Variants in OTUD7A observed in about 807,000 individuals in gnomAD.
The protein encoded by OTUD7A is OTU domain-containing protein 7A.
In OTUD7A, 12 loss-of-function variants were observed where a neutral mutation model predicts 65.7. The ratio of observed to expected loss-of-function variants is 0.18; its 90% confidence interval spans 0.12 to 0.30. OTUD7A has a LOEUF of 0.30. Among genes scored for constraint, OTUD7A ranks in the 10% least tolerant of loss-of-function variants. The pLI, the probability that OTUD7A is intolerant of heterozygous loss-of-function variation, is 1.00. For missense variants in OTUD7A, 1,148 were observed against 1,304.8 expected, an observed-to-expected ratio of 0.88 and a Z score of 1.85; for synonymous variants, 641 against 586.3, an observed-to-expected ratio of 1.09 and a Z score of -1.35.
At chr15:31,835,741 T>C (rs988762870) in intron 1 of OTUD7A, among the ~76,000 whole-genome samples, 1 of 152,088 alleles carries the variant, frequency 6.6e-6, no homozygotes, top group African/African-American at 2.4e-5. Flanking sequence ...TACACACATA[T>C]ATATACATAC....
intron 1 of OTUD7A, among the ~76,000 whole-genome samples, chr15:31,778,740 T>TCA (rs750221714): frequency 1.8e-3 from 267 of 150,526 alleles, no homozygotes; most frequent in African/African-American, 4.1e-3. Flanking sequence ...TCTCTCTCTC[T>TCA]CACACACACA....
At chr15:31,831,300 C>T (rs1428563982) in intron 1 of OTUD7A, among the ~76,000 whole-genome samples, 5 of 152,114 alleles carry the variant, frequency 3.3e-5, no homozygotes, top group African/African-American at 1.2e-4. Context: ...AATCAGACTT[C>T]GTAAAAATTT....
chr15:31,500,977 C>A (rs567783436), intron 10 of OTUD7A, among the ~76,000 whole-genome samples: 1 of 152,376 alleles, frequency 6.6e-6, no homozygotes, highest in South Asian at 2.1e-4. Context: ...CAAACAAAAT[C>A]CCCCTATTTC....
chr15:31,646,618 G>A (rs56046340), intron 3 of OTUD7A, among the ~76,000 whole-genome samples: 4,575 of 151,790 alleles, frequency 0.03, 98 homozygotes, highest in Middle Eastern at 0.079. Context: ...GCACCACCAC[G>A]CCTGGCTAAT....
intron 1 of OTUD7A, among the ~76,000 whole-genome samples, chr15:31,713,021 A>G (rs1257015550): frequency 6.6e-6 from 1 of 152,196 alleles, no homozygotes; most frequent in Non-Finnish European, 1.5e-5. Context: ...TATTGCTGTC[A>G]AACTTCAATA....
chr15:31,600,905 G>T (rs137861986), intron 3 of OTUD7A, among the ~76,000 whole-genome samples: 1 of 152,318 alleles, frequency 6.6e-6, no homozygotes, highest in Non-Finnish European at 1.5e-5. Flanking sequence ...AACAAGAAGA[G>T]CTAACTATCC....
intron 1 of OTUD7A, among the ~76,000 whole-genome samples, chr15:31,677,940 C>T (rs1420408380): frequency 6.6e-6 from 1 of 152,204 alleles, no homozygotes; most frequent in Non-Finnish European, 1.5e-5. Context: ...CCTAGACTTG[C>T]TGAGTGGCTT....
chr15:31,861,338 T>C (rs56323444), intron 1 of OTUD7A, among the ~76,000 whole-genome samples: 15,019 of 152,162 alleles, frequency 0.099, 1,190 homozygotes, highest in East Asian at 0.45. Context: ...AAGAGTCTAA[T>C]GTGAATGCAA....
chr15:31,811,997 T>A lies in OTUD7A; in HGVS notation c.-100+58510A>T, dbSNP rs529169063. ...GACTGAGGCTGCGGGAGGATGCTGG[T>A]CACTGCTGCCTTGCTTCACCCAGCC... On this transcript the variant is annotated intron_variant, in intron 1 of 12. Coordinates refer to ENST00000307050, the MANE Select transcript of OTUD7A (RefSeq NM_001382637.1). Among the ~76,000 whole-genome samples the A allele has an allele frequency of 1.2e-3, 181 of 152,176 alleles. 1 individual carries two copies. Among genetic ancestry groups the A allele is most frequent in the Admixed American group, 2.1e-3 (32 of 15,284 alleles).
At chr15:31,773,087 T>A (rs923970071) in intron 1 of OTUD7A, among the ~76,000 whole-genome samples, 1 of 152,256 alleles carries the variant, frequency 6.6e-6, no homozygotes, top group African/African-American at 2.4e-5. Context: ...TATATATGAA[T>A]ATAAATTCTA....
intron 1 of OTUD7A, among the ~76,000 whole-genome samples, chr15:31,863,353 T>G (rs1897794801): frequency 6.6e-6 from 1 of 152,190 alleles, no homozygotes; most frequent in African/African-American, 2.4e-5. Flanking sequence ...ACCCCACATT[T>G]CTCTTCTGCA....
At chr15:31,683,986 A>G (rs1892779139) in intron 1 of OTUD7A, among the ~76,000 whole-genome samples, 1 of 152,238 alleles carries the variant, frequency 6.6e-6, no homozygotes, top group South Asian at 2.1e-4. Context: ...TCATTCAAAC[A>G]CTAAGCATTG....
chr15:31,717,871 T>C (rs8027112), intron 1 of OTUD7A, among the ~76,000 whole-genome samples: 3,547 of 152,304 alleles, frequency 0.023, 125 homozygotes, highest in African/African-American at 0.081. Flanking sequence ...TGTAAAAGCG[T>C]TCCTATTTCT....
rs556611234 is a variant in OTUD7A at position 31,487,421 on chromosome 15, C to T, written c.1286+31G>A. The stretch of plus-strand genomic sequence containing the variant: ...CCCCAGCCATAGCCCTCCCTGTGGG[C>T]GCTGGGGAAAGGGACAGAGTAGGAT... On this transcript the variant is annotated intron_variant, in intron 11 of 12. Transcript: ENST00000307050. The surrounding 1 kb of genome is among the most constrained non-coding windows in gnomAD (Gnocchi z 6.0). The T allele has an allele frequency of 4.2e-5, 67 of 1,604,630 alleles. No homozygotes were observed. In the East Asian group the frequency reaches 1.2e-3, roughly 29 times the overall value.
rs1187513251 is a variant in OTUD7A at position 31,514,356 on chromosome 15, C to A, written c.894-10538G>T. Reference sequence around the variant, plus strand: ...GTGAGCCACCGTGCCCAGCTCCCATCATTTCTTAGAGCACTTTCTTGCTTC... The same window carrying A: ...GTGAGCCACCGTGCCCAGCTCCCATAATTTCTTAGAGCACTTTCTTGCTTC... On this transcript the variant is annotated intron_variant, in intron 8 of 12. Transcript: ENST00000307050. Among the ~76,000 whole-genome samples, 3 of 152,262 alleles carry A rather than the reference C, an allele frequency of 2.0e-5. No homozygotes were observed. In the East Asian group the frequency reaches 5.8e-4, roughly 29 times the overall value.
At chr15:31,627,989 C>T (rs554841906) in intron 3 of OTUD7A, among the ~76,000 whole-genome samples, 111 of 151,994 alleles carry the variant, frequency 7.3e-4, no homozygotes, top group African/African-American at 2.5e-3. Context: ...ATTCTGGATA[C>T]TAGCCCTTTG....
chr15:31,728,508 C>G (rs905859201), intron 1 of OTUD7A, among the ~76,000 whole-genome samples: 1 of 152,194 alleles, frequency 6.6e-6, no homozygotes, highest in African/African-American at 2.4e-5. Flanking sequence ...TTTCTGTGAC[C>G]TGGGCAGCCC....
At chr15:31,795,499 G>A (rs191525824) in intron 1 of OTUD7A, among the ~76,000 whole-genome samples, 9 of 152,296 alleles carry the variant, frequency 5.9e-5, no homozygotes, top group African/African-American at 7.2e-5. Context: ...TGAGAAAATC[G>A]GAGAGGTGTA....
At chr15:31,852,973 T>C (rs1002009536) in intron 1 of OTUD7A, among the ~76,000 whole-genome samples, 6 of 152,134 alleles carry the variant, frequency 3.9e-5, no homozygotes, top group African/African-American at 7.2e-5. Flanking sequence ...GCTGAGGAGG[T>C]GGGGAAGAGT....
Sources: allele counts gnomAD v4.1 joint callset (sites outside exome capture counted in the v4.1 genomes callset), GRCh38; gene constraint gnomAD v4.1.1; non-coding constraint Gnocchi (gnomAD v3.1); transcripts MANE v1.5; gene names NCBI Gene and HGNC (gene_info 2026-07-23, HGNC 2026-07-21).